DCHS2: variants seen among roughly 807,000 people sequenced by gnomAD.
DCHS2 encodes dachsous cadherin-related 2.
In DCHS2, 142 loss-of-function variants were observed where a neutral mutation model predicts 182.4. The observed-to-expected ratio is 0.78, with a 90% CI of 0.68 to 0.89. DCHS2 has a LOEUF of 0.89. DCHS2 is among the 40% of genes least tolerant of loss of function. The pLI, the probability that DCHS2 is intolerant of heterozygous loss-of-function variation, is 0.00. For missense variants in DCHS2, 4,319 were observed against 4,198.6 expected, an observed-to-expected ratio of 1.03 and a Z score of -0.79; for synonymous variants, 1,740 against 1,663.3, an observed-to-expected ratio of 1.05 and a Z score of -1.12.
intron 1 of DCHS2, among the ~76,000 whole-genome samples, chr4:154,464,082 T>C (rs900603284): frequency 4.6e-5 from 7 of 152,130 alleles, no homozygotes; most frequent in Non-Finnish European, 1.0e-4. Context: ...CCATGTATTG[T>C]TGGAAAACGG....
chr4:154,482,575 C>T (rs1302530265), intron 1 of DCHS2, among the ~76,000 whole-genome samples: 1 of 152,156 alleles, frequency 6.6e-6, no homozygotes, highest in Non-Finnish European at 1.5e-5. Flanking sequence ...GAAAAAGACC[C>T]TCACATACTT....
chr4:154,302,966 CACCCACACACACACAT>C (rs1214241096), intron 12 of DCHS2, among the ~76,000 whole-genome samples: 6 of 23,074 alleles, frequency 2.6e-4, no homozygotes, highest in South Asian at 4.3e-3. Context: ...CACACACACA[CACCCACACACACACAT>C]ATTTTTTTTT....
At chr4:154,317,608 A>G (rs1426950983) in intron 9 of DCHS2, among the ~76,000 whole-genome samples, 1 of 152,182 alleles carries the variant, frequency 6.6e-6, no homozygotes, top group Non-Finnish European at 1.5e-5. Context: ...TTTTTCATTC[A>G]TGTAGAAATA....
At chr4:154,418,659 C>T (rs1382429094) in intron 1 of DCHS2, among the ~76,000 whole-genome samples, 1 of 152,126 alleles carries the variant, frequency 6.6e-6, no homozygotes, top group African/African-American at 2.4e-5. Flanking sequence ...GTAATATCTC[C>T]TTTTCTACCC....
At chr4:154,332,362 T>G in intron 5 of DCHS2, 116 bp downstream of exon 5, 2 of 929,732 alleles carry the variant, frequency 2.2e-6, no homozygotes, top group African/African-American at 1.7e-5. Flanking sequence ...CCTAACGACT[T>G]GAGTTTTCTC....
intron 1 of DCHS2, among the ~76,000 whole-genome samples, chr4:154,450,604 G>C (rs1006790280): frequency 1.1e-4 from 17 of 152,170 alleles, no homozygotes; most frequent in Non-Finnish European, 1.9e-4. Flanking sequence ...AGGCCAAGAT[G>C]GGTGGATTAC....
intron 16 of DCHS2, among the ~76,000 whole-genome samples, chr4:154,252,020 T>G (rs1038313630): frequency 2.0e-5 from 3 of 151,644 alleles, no homozygotes; most frequent in African/African-American, 7.2e-5. Flanking sequence ...TTTAATACAT[T>G]CATATTTAGT....
At chr4:154,414,499 T>C (rs1471609497) in intron 1 of DCHS2, among the ~76,000 whole-genome samples, 1 of 145,490 alleles carries the variant, frequency 6.9e-6, no homozygotes, top group African/African-American at 2.5e-5. Flanking sequence ...TTTTTTTTTT[T>C]TTTTTTTTTT....
intron 7 of DCHS2, among the ~76,000 whole-genome samples, chr4:154,326,285 T>G (rs1467607090): frequency 6.6e-6 from 1 of 152,188 alleles, no homozygotes; most frequent in Admixed American, 6.5e-5. Flanking sequence ...AATTTTATTA[T>G]TTATTTACTG....
chr4:154,300,760 A>G (rs1054910842), intron 12 of DCHS2, among the ~76,000 whole-genome samples: 3 of 152,142 alleles, frequency 2.0e-5, no homozygotes, highest in African/African-American at 4.8e-5. Context: ...AGTCATAGTA[A>G]TCTACTTGCG....
At chr4:154,288,094 T>C (rs1734489177) in intron 13 of DCHS2, among the ~76,000 whole-genome samples, 1 of 152,046 alleles carries the variant, frequency 6.6e-6, no homozygotes, top group Non-Finnish European at 1.5e-5. Context: ...ACACTGAATG[T>C]AACTGGACTA....
At chr4:154,411,003 A>C (rs1246564146) in intron 1 of DCHS2, among the ~76,000 whole-genome samples, 1 of 152,174 alleles carries the variant, frequency 6.6e-6, no homozygotes, top group Non-Finnish European at 1.5e-5. Context: ...AACAACAAAA[A>C]CTGTCAGTCA....
chr4:154,490,884 T>C lies in DCHS2; in HGVS notation c.472A>G (p.Asn158Asp). 6.4e-7 allele frequency: 1 copy of C among 1,551,424 alleles called. No individual in the cohort carries two copies. ...GAVVQVEIRVNDVNDHSPRFP... is the reference protein window; with the variant it reads ...GAVVQVEIRVDDVNDHSPRFP... ...CGGGGCGAGTGGTCATTCACGTCGT[T>C]GACGCGAATCTCCACCTGCACCACA... Residue 158 changes from asparagine (N) to aspartate (D), a missense_variant, in exon 1 of 20, where the codon AAC becomes GAC. Asn to Asp is a conservative substitution (Grantham distance 23). Coordinates refer to ENST00000357232, the MANE Select transcript of DCHS2 (RefSeq NM_001358235.2).
chr4:154,329,274 T>C (rs775527976), intron 6 of DCHS2, among the ~76,000 whole-genome samples: 9 of 152,198 alleles, frequency 5.9e-5, no homozygotes, highest in Non-Finnish European at 1.2e-4. Context: ...TCAGTTTGTG[T>C]ACAAGGGGCT....
intron 1 of DCHS2, among the ~76,000 whole-genome samples, chr4:154,394,967 G>C (rs781760972): frequency 6.6e-6 from 1 of 152,072 alleles, no homozygotes; most frequent in Non-Finnish European, 1.5e-5. Flanking sequence ...GAGCCAACCA[G>C]AATGTGCCCA....
At chr4:154,379,114 G>T (rs1350811499) in intron 1 of DCHS2, among the ~76,000 whole-genome samples, 2 of 152,064 alleles carry the variant, frequency 1.3e-5, no homozygotes. Context: ...AATTCAGAAA[G>T]TCCAACTTCC....
rs1731479156 is a variant in DCHS2 at position 154,236,103 on chromosome 4, A to G, written c.8549T>C (p.Leu2850Pro). The G allele has an allele frequency of 6.8e-6, 11 of 1,613,638 alleles. No individual in the cohort carries two copies. Among genetic ancestry groups the G allele is most frequent in the Non-Finnish European group, 9.3e-6 (11 of 1,179,962 alleles). The part of the protein sequence containing the change: ...LDYENGNKYC[L>P]TVQAKDKGDA... ...ACCTTTGTCTTTGGCTTGGACTGTG[A>G]GGCAGTATTTATTGCCATTTTCATA... Residue 2850 changes from leucine to proline, a missense_variant, in exon 20 of 20, where the codon CTC becomes CCC. Physicochemically the swap from Leu to Pro is moderately conservative, Grantham distance 98 (BLOSUM62 -3). Transcript: ENST00000357232.
At chr4:154,329,792 A>G (rs998454341) in intron 5 of DCHS2, 82 bp from the exon 6 acceptor site, 3 of 1,312,272 alleles carry the variant, frequency 2.3e-6, no homozygotes, top group Non-Finnish European at 2.1e-6. Flanking sequence ...AAGGAAAACC[A>G]AGTACAAAGC....
At chr4:154,466,420 G>A (rs1480543137) in intron 1 of DCHS2, among the ~76,000 whole-genome samples, 3 of 152,202 alleles carry the variant, frequency 2.0e-5, no homozygotes, top group Non-Finnish European at 4.4e-5. Flanking sequence ...CACAGATAGA[G>A]TAGGAACACT....
Sources: gnomAD v4.1 joint callset for allele counts (sites outside exome capture counted in the v4.1 genomes callset) on GRCh38, gnomAD v4.1.1 for gene constraint, MANE v1.5 for transcripts, NCBI Gene and HGNC (gene_info 2026-07-23, HGNC 2026-07-21) for gene names.